Variants in TARS1 observed in about 807,000 individuals in gnomAD.
TARS1 encodes the protein threonyl-tRNA synthetase 1, also known as threonine--tRNA ligase 1, cytoplasmic.
A neutral mutation model predicts 97.7 loss-of-function variants in TARS1; 57 were observed. The ratio of observed to expected loss-of-function variants is 0.58; its 90% CI spans 0.47 to 0.73. TARS1 has a LOEUF of 0.73. Ranked by LOEUF, TARS1 falls within the 30% of genes least tolerant of loss-of-function variation. TARS1 has a pLI of 0.00. For missense variants in TARS1, 806 were observed against 888.3 expected, an observed-to-expected ratio of 0.91 and a Z score of 1.18; for synonymous variants, 312 against 293.7, an observed-to-expected ratio of 1.06 and a Z score of -0.64.
chr5:33,456,025 A>G lies in TARS1; in HGVS notation c.717A>G (p.Ile239Met). ...MFKYNKFKCR[I>M]LNEKVNTPTT... The stretch of plus-strand genomic sequence containing the variant: ...AGTACAACAAGTTCAAATGCCGGAT[A>G]TTGAATGAAAAGGTGAATACTCCAA... The change falls in exon 7 of 19, where the codon ATA becomes ATG. Residue 239 changes from isoleucine (I) to methionine (M), a missense_variant. Ile to Met is a conservative substitution (Grantham distance 10). Coordinates refer to ENST00000265112, the MANE Select transcript of TARS1 (RefSeq NM_152295.5). 1 of 1,613,962 alleles carries G rather than the reference A, an allele frequency of 6.2e-7. No individual in the cohort carries two copies.
In TARS1 at chr5:33,461,275, G is replaced by A. The variant is rs747144525; in HGVS notation, c.1531G>A (p.Val511Ile). 4 of 1,612,416 alleles carry A rather than the reference G, an allele frequency of 2.5e-6. No homozygotes were observed. Among genetic ancestry groups the A allele is most frequent in the African/African-American group, 2.7e-5 (2 of 74,934 alleles). Residue 511 changes from valine (V) to isoleucine (I), a missense_variant, in exon 13 of 19, where the codon GTA (valine) becomes ATA (isoleucine). Physicochemically the swap from Val to Ile is conservative, Grantham distance 29. Coordinates refer to ENST00000265112, the MANE Select transcript of TARS1 (RefSeq NM_152295.5). ...GGAAAAATTCCTTGGAGATATCGAA[G>A]TATGGGATCAAGCTGAGAAAGTAAG... ...RPEKFLGDIE[V>I]WDQAEKQLEN...
chr5:33,464,403 G>A (rs546037643), intron 17 of TARS1, among the ~76,000 whole-genome samples: 12 of 152,176 alleles, frequency 7.9e-5, no homozygotes, highest in African/African-American at 2.7e-4. Flanking sequence ...TAATAGTATA[G>A]CAGACCAATG....
In TARS1 at chr5:33,461,998, T is replaced by A. The variant is rs374586745; in HGVS notation, c.1722T>A (p.Thr574=). 153 of 1,613,546 alleles carry A rather than the reference T, an allele frequency of 9.5e-5. 1 individual carries two copies. Among genetic ancestry groups the A allele is most frequent in the Non-Finnish European group, 1.1e-4 (134 of 1,179,620 alleles). Residue 574 remains threonine, a synonymous_variant, in exon 15 of 19, where the codon ACT becomes ACA. Coordinates refer to ENST00000265112, the MANE Select transcript of TARS1 (RefSeq NM_152295.5). Reference sequence around the variant, plus strand: ...AGTTGCCCATCAGATTTAATCTTACTTATGTAAGGTGAGTTTCTGGTGTCT... The same window carrying A: ...AGTTGCCCATCAGATTTAATCTTACATATGTAAGGTGAGTTTCTGGTGTCT... ...DFQLPIRFNL[T]YVSHDGDDKK... is the part of the protein sequence containing the mutation.
intron 5 of TARS1, 45 bp downstream of exon 5, chr5:33,455,111 G>A (rs531346169): frequency 6.2e-7 from 1 of 1,606,742 alleles, no homozygotes; most frequent in East Asian, 2.2e-5. Context: ...AATGACTATG[G>A]ATCCATAAGT....
Position 33,461,649 on chromosome 5 carries a change from A to G in TARS1, c.1552-18A>G, listed in dbSNP as rs781304811. The stretch of plus-strand genomic sequence containing the variant: ...AATTGCGATGAAAAAAATAAAAATC[A>G]TTTTGCTTTATCCTCAGCAACTTGA... On this transcript the variant is annotated intron_variant, in intron 13 of 18. Coordinates refer to ENST00000265112, the MANE Select transcript of TARS1 (RefSeq NM_152295.5). The G allele has an allele frequency of 3.1e-6, 5 of 1,602,840 alleles. No homozygotes were observed. Among genetic ancestry groups the G allele is most frequent in the Non-Finnish European group, 4.2e-6 (5 of 1,176,554 alleles).
At chr5:33,459,110 T>A (rs966086529) in intron 10 of TARS1, among the ~76,000 whole-genome samples, 14 of 152,058 alleles carry the variant, frequency 9.2e-5, no homozygotes, top group African/African-American at 3.4e-4. Flanking sequence ...AAAAAAAAAA[T>A]TAGTTGTTTA....
chr5:33,441,338 C>T (rs533681887), intron 1 of TARS1, 195 bp downstream of exon 1: 2 of 612,768 alleles, frequency 3.3e-6, no homozygotes, highest in African/African-American at 1.9e-5. Flanking sequence ...AGGGTGGGGC[C>T]TTGCAGTTCA....
intron 1 of TARS1, among the ~76,000 whole-genome samples, chr5:33,444,788 A>C (rs2111924874): frequency 6.6e-6 from 1 of 152,192 alleles, no homozygotes; most frequent in South Asian, 2.1e-4. Context: ...TTGACATCTA[A>C]TCGTAGCGTT....
rs775706870 is a variant in TARS1, at chr5:33,448,744, C to A, written c.329+13C>A. ...CCTGTGGAATTAGGTATAAGCTACA[C>A]CCATCATGACCTTCCATAGTTTGTG... On this transcript the variant is annotated intron_variant, in intron 3 of 18. Transcript: ENST00000265112. The A allele has an allele frequency of 9.0e-6, 14 of 1,557,512 alleles. No homozygotes were observed. In the South Asian group the frequency reaches 1.7e-4, roughly 19 times the overall value.
At chr5:33,450,155 G>T (rs1741660249) in intron 3 of TARS1, among the ~76,000 whole-genome samples, 1 of 151,934 alleles carries the variant, frequency 6.6e-6, no homozygotes, top group Non-Finnish European at 1.5e-5. Flanking sequence ...CATTCAACTT[G>T]GTTTTCATAG....
intron 2 of TARS1, chr5:33,445,975 G>A: frequency 6.5e-6 from 1 of 153,848 alleles, no homozygotes; most frequent in Non-Finnish European, 1.4e-5. Context: ...AAATCAACCT[G>A]GTTCCTGAGT....
In TARS1 at chr5:33,462,080, A is replaced by G. The variant is rs1286566101; in HGVS notation, c.1731-19A>G. 2 of 1,543,264 alleles carry G rather than the reference A, an allele frequency of 1.3e-6. No homozygotes were observed. The highest frequency in any genetic ancestry group is 8.9e-7 in the Non-Finnish European group (1 of 1,128,546). The stretch of plus-strand genomic sequence containing the variant: ...AAAATATATATAATAAGACAAAACA[A>G]TTTTTTTTTTCTTTATAGCCATGAT... On this transcript the variant is annotated intron_variant, in intron 15 of 18. Coordinates refer to ENST00000265112, the MANE Select transcript of TARS1 (RefSeq NM_152295.5).
intron 17 of TARS1, among the ~76,000 whole-genome samples, chr5:33,466,582 C>T (rs1233596221): frequency 6.6e-6 from 1 of 152,036 alleles, no homozygotes; most frequent in African/African-American, 2.4e-5. Context: ...GAAGTTTAAT[C>T]TAGTTAATGT....
intron 18 of TARS1, 124 bp from the exon 19 acceptor site, chr5:33,467,436 T>C (rs1742579686): frequency 9.3e-7 from 1 of 1,073,492 alleles, no homozygotes; most frequent in Non-Finnish European, 1.3e-6. Flanking sequence ...CACTTGTACC[T>C]TTTAATGTAT....
At chr5:33,443,579 G>A (rs1468164434) in intron 1 of TARS1, among the ~76,000 whole-genome samples, 5 of 148,614 alleles carry the variant, frequency 3.4e-5, no homozygotes, top group African/African-American at 1.0e-4. Context: ...TGCAAGCTCC[G>A]CCTCCCGGGT....
At chr5:33,458,289 T>C (rs1415869063) in intron 9 of TARS1, among the ~76,000 whole-genome samples, 2 of 152,232 alleles carry the variant, frequency 1.3e-5, no homozygotes, top group Admixed American at 6.5e-5. Flanking sequence ...GTTAAAGAAC[T>C]GAAGGGACCC....
intron 18 of TARS1, 142 bp from the exon 19 acceptor site, chr5:33,467,418 C>T (rs927259998): frequency 3.0e-5 from 26 of 865,138 alleles, no homozygotes; most frequent in Non-Finnish European, 3.8e-5. Context: ...TAAATATCAA[C>T]ACATGGTCAC....
intron 8 of TARS1, 29 bp from the exon 9 acceptor site, chr5:33,457,228 G>A: frequency 6.2e-7 from 1 of 1,603,512 alleles, no homozygotes; most frequent in East Asian, 2.2e-5. Flanking sequence ...AAATTTGAAT[G>A]TTGTTTCATG....
At position 33,441,136 on chromosome 5, in the gene TARS1, A is replaced by T; in HGVS notation, c.50A>T (p.Glu17Val). The change falls in exon 1 of 19, where the codon GAG (glutamate) becomes GTG (valine). Residue 17 changes from glutamate to valine, a missense_variant. Glu to Val is a moderately radical substitution (Grantham distance 121). This residue lies in a region of TARS1 where 356 missense variants were observed against 357.8 expected (regional missense o/e 0.99). Coordinates refer to ENST00000265112, the MANE Select transcript of TARS1 (RefSeq NM_152295.5). ...SSPSGKMGGE[E>V]KPIGAGEEKQ... ...CCTTCAGGGAAGATGGGAGGCGAGG[A>T]GAAGCCGGTGAGCAAACTTGGTGGG... The T allele has an allele frequency of 6.2e-7, 1 of 1,614,170 alleles. No homozygotes were observed. Among genetic ancestry groups the T allele is most frequent in the African/African-American group, 1.3e-5 (1 of 75,050 alleles).
Sources: gnomAD v4.1 joint callset for allele counts (sites outside exome capture counted in the v4.1 genomes callset) on GRCh38, gnomAD v4.1.1 for gene constraint, gnomAD v4.1.1 regional missense constraint, MANE v1.5 for transcripts, NCBI Gene and HGNC (gene_info 2026-07-23, HGNC 2026-07-21) for gene names.